NDUFA7: variants seen among roughly 807,000 people sequenced by gnomAD.
The protein encoded by NDUFA7 is NADH dehydrogenase [ubiquinone] 1 alpha subcomplex subunit 7.
In NDUFA7, 18 loss-of-function variants were observed where a neutral mutation model predicts 14.2. The observed-to-expected ratio is 1.27, with a 90% confidence interval of 0.88 to 1.88. NDUFA7 has a LOEUF of 1.88. Among genes scored for constraint, NDUFA7 ranks in the 40% most tolerant of loss-of-function variants. The pLI is 0.00. For synonymous variants in NDUFA7, 75 were observed against 62.1 expected, an observed-to-expected ratio of 1.21 and a Z score of -0.98; for missense variants, 172 against 147.3, an observed-to-expected ratio of 1.17 and a Z score of -0.87.
At chr19:8,318,330 A>C (rs113568586) in intron 2 of NDUFA7, among the ~76,000 whole-genome samples, 1 of 151,692 alleles carries the variant, frequency 6.6e-6, no homozygotes, top group Non-Finnish European at 1.5e-5. Flanking sequence ...TTGTATTTTT[A>C]GTAGAGATGG....
chr19:8,318,957 A>C (rs574227302), intron 2 of NDUFA7, among the ~76,000 whole-genome samples: 11 of 150,460 alleles, frequency 7.3e-5, no homozygotes, highest in African/African-American at 2.7e-4. Context: ...CGACAGAGTG[A>C]GACTCTGTCT....
intron 2 of NDUFA7, among the ~76,000 whole-genome samples, chr19:8,319,994 C>T (rs1381114421): frequency 6.6e-6 from 1 of 152,058 alleles, no homozygotes; most frequent in East Asian, 1.9e-4. Context: ...TACCCGCGCG[C>T]GCCACCACGC....
chr19:8,316,404 T>C, intron 3 of NDUFA7, 92 bp downstream of exon 3: 1 of 1,531,248 alleles, frequency 6.5e-7, no homozygotes, highest in Non-Finnish European at 8.8e-7. Flanking sequence ...CTAAGTAGGA[T>C]CTTGACAAGC....
At chr19:8,320,099 C>T (rs1970284060) in intron 2 of NDUFA7, among the ~76,000 whole-genome samples, 1 of 152,206 alleles carries the variant, frequency 6.6e-6, no homozygotes, top group Admixed American at 6.5e-5. Flanking sequence ...CGTGATCCGC[C>T]TGCCTCAGCC....
At position 8,317,892 on chromosome 19, in the gene NDUFA7, C is replaced by T. The variant is rs139821746; in HGVS notation, c.102-1247G>A. ...CTTGCTATGTTGCCCAGGTTGATGT[C>T]GAATTCCTGGCCTTAAGTTATCCTC... On this transcript the variant is annotated intron_variant, in intron 2 of 3. Coordinates refer to ENST00000301457, the MANE Select transcript of NDUFA7 (RefSeq NM_005001.5). Among the ~76,000 whole-genome samples the T allele has an allele frequency of 6.8e-3, 1,039 of 152,186 alleles. 23 individuals carry two copies. Among genetic ancestry groups the T allele is most frequent in the African/African-American group, 0.024 (993 of 41,534 alleles).
chr19:8,310,107 T>C (rs149333383), downstream of NDUFA7, among the ~76,000 whole-genome samples: 768 of 152,232 alleles, frequency 5.0e-3, 11 homozygotes, highest in African/African-American at 0.018. Flanking sequence ...GGAAGGTTCA[T>C]GTGAGAAGTG....
At chr19:8,314,087 C>T (rs890801752) in intron 3 of NDUFA7, among the ~76,000 whole-genome samples, 3 of 152,014 alleles carry the variant, frequency 2.0e-5, no homozygotes, top group Admixed American at 6.6e-5. Flanking sequence ...TTTGGGAGGC[C>T]GAGGCCAGAG....
chr19:8,319,560 C>CAAAAAAAAAAAAAAAAAAAAAAGAAA, intron 2 of NDUFA7: 1 of 105,016 alleles, frequency 9.5e-6, no homozygotes, highest in Non-Finnish European at 2.0e-5. Flanking sequence ...AACTCCGTCT[C>CAAAAAAAAAAAAAAAAAAAAAAGAAA]AAAAAAAAAA....
At position 8,316,539 on chromosome 19, in the gene NDUFA7, T is replaced by G; in HGVS notation, c.208A>C (p.Met70Leu). Residue 70 changes from methionine to leucine, a missense_variant, in exon 3 of 4, where the codon ATG becomes CTG. By Grantham distance (15) the Met-to-Leu change is conservative. Coordinates refer to ENST00000301457, the MANE Select transcript of NDUFA7 (RefSeq NM_005001.5). ...GACACCAGCGCCTTCTGCGACGACA[T>G]GATGATGGAAGGGGGCACAGATTCC... Reference protein sequence around the residue: ...RRESVPPSIIMSSQKALVSGK... With the variant: ...RRESVPPSIILSSQKALVSGK... 1 of 1,613,952 alleles carries G rather than the reference T, an allele frequency of 6.2e-7. No homozygotes were observed. The highest frequency in any genetic ancestry group is 8.5e-7 in the Non-Finnish European group (1 of 1,180,002).
At chr19:8,313,883 A>T (rs907866647) in intron 3 of NDUFA7, among the ~76,000 whole-genome samples, 3 of 152,246 alleles carry the variant, frequency 2.0e-5, no homozygotes, top group African/African-American at 7.2e-5. Flanking sequence ...AGAGTTTACA[A>T]ATATTAATTA....
At chr19:8,318,351 T>C (rs924665103) in intron 2 of NDUFA7, among the ~76,000 whole-genome samples, 1 of 151,826 alleles carries the variant, frequency 6.6e-6, no homozygotes, top group Non-Finnish European at 1.5e-5. Flanking sequence ...GTTTTCACTA[T>C]GTTGGCCAGG....
At chr19:8,308,715 T>G (rs1420865689), downstream of NDUFA7, 6 of 244,716 alleles carry the variant, frequency 2.5e-5, no homozygotes, top group Non-Finnish European at 4.0e-5. Context: ...CTTATTCTGG[T>G]TTGTTGTCCG....
chr19:8,316,586 T>C lies in NDUFA7; in HGVS notation c.161A>G (p.Tyr54Cys), dbSNP rs866957932. ...GPSHKLSNNY[Y>C]CTRDGRRESV... is the part of the protein sequence containing the mutation. ...TTCCCGGCGGCCATCGCGAGTGCAATAGTAATTGTTGGAGAGCTTGTGGCT... is the reference window on the plus strand; with the variant it reads ...TTCCCGGCGGCCATCGCGAGTGCAACAGTAATTGTTGGAGAGCTTGTGGCT... Residue 54 changes from tyrosine to cysteine, a missense_variant, in exon 3 of 4, where the codon TAT (tyrosine) becomes TGT (cysteine). Physicochemically the swap from Tyr to Cys is radical, Grantham distance 194 (BLOSUM62 -2). Transcript: ENST00000301457. The C allele has an allele frequency of 6.8e-6, 11 of 1,613,926 alleles. No homozygotes were observed. Among genetic ancestry groups the C allele is most frequent in the Admixed American group, 5.0e-5 (3 of 59,984 alleles).
At chr19:8,317,455 GC>G (rs375354934) in intron 2 of NDUFA7, among the ~76,000 whole-genome samples, 22 of 152,172 alleles carry the variant, frequency 1.4e-4, no homozygotes, top group African/African-American at 3.4e-4. Flanking sequence ...GTTGCAGTGA[GC>G]TGAGATCACG....
intron 2 of NDUFA7, 83 bp downstream of exon 2, chr19:8,320,774 C>T: frequency 3.9e-6 from 6 of 1,535,254 alleles, no homozygotes; most frequent in Non-Finnish European, 5.4e-6. Context: ...CCCTCCGTTT[C>T]AGGGGTCTAA....
At chr19:8,312,405 G>A (rs1273674523) in intron 3 of NDUFA7, among the ~76,000 whole-genome samples, 1 of 152,220 alleles carries the variant, frequency 6.6e-6, no homozygotes, top group East Asian at 1.9e-4. Context: ...GCAAGGGGCT[G>A]TGTGGGAACA....
chr19:8,313,291 C>T (rs947364954), intron 3 of NDUFA7, among the ~76,000 whole-genome samples: 2 of 151,110 alleles, frequency 1.3e-5, no homozygotes, highest in Non-Finnish European at 2.9e-5. Context: ...AGTGCAGTGG[C>T]GCGATCTCAG....
chr19:8,312,021 T>C (rs1229735338), intron 3 of NDUFA7, among the ~76,000 whole-genome samples: 4 of 152,230 alleles, frequency 2.6e-5, no homozygotes, highest in Non-Finnish European at 5.9e-5. Flanking sequence ...AAGAACTGCA[T>C]GGCAGGCGCT....
downstream of NDUFA7, among the ~76,000 whole-genome samples, chr19:8,310,978 C>T (rs769506807): frequency 4.5e-4 from 68 of 152,178 alleles, no homozygotes; most frequent in African/African-American, 1.4e-3. Flanking sequence ...CGTGCCGTTG[C>T]GTTCCAGCCT....
Sources: allele counts gnomAD v4.1 joint callset (sites outside exome capture counted in the v4.1 genomes callset), GRCh38; gene constraint gnomAD v4.1.1; transcripts MANE v1.5; gene names NCBI Gene and HGNC (gene_info 2026-07-23, HGNC 2026-07-21).